Variants in SLC24A2 observed in about 807,000 individuals in gnomAD.
SLC24A2 encodes the protein sodium/potassium/calcium exchanger 2.
Under a neutral mutation model 62.0 loss-of-function variants are expected in SLC24A2, and 36 were observed. The observed-to-expected ratio is 0.58, with a 90% confidence interval of 0.44 to 0.77. The LOEUF (loss-of-function observed/expected upper bound fraction) is 0.77. Among genes scored for constraint, SLC24A2 ranks in the 30% least tolerant of loss-of-function variants. The pLI is 0.00. For synonymous variants in SLC24A2, 358 were observed against 294.0 expected (o/e 1.22, Z -2.23); for missense variants, 846 against 817.9 (o/e 1.03, Z -0.42).
chr9:19,894,664 C>A, the SLC24A2 span, among the ~76,000 whole-genome samples: 1 of 152,010 alleles, frequency 6.6e-6, no homozygotes, highest in African/African-American at 2.4e-5. Context: ...ATATCCTTTT[C>A]TCTTCCAGGA....
At chr9:19,778,592 G>T (rs1050132262) in intron 2 of SLC24A2, among the ~76,000 whole-genome samples, 1 of 152,138 alleles carries the variant, frequency 6.6e-6, no homozygotes, top group Non-Finnish European at 1.5e-5. Flanking sequence ...GCACAGGCTC[G>T]CTCATACGGG....
rs77116044 is a variant in SLC24A2 at position 19,683,196 on chromosome 9, C to T, written c.931-60897G>A. Among the ~76,000 whole-genome samples the T allele has an allele frequency of 8.2e-3, 1,240 of 152,132 alleles. 59 individuals are homozygous for T. In the East Asian group the frequency reaches 0.15, roughly 18 times the overall value. On this transcript the variant is annotated intron_variant, in intron 2 of 10. Coordinates refer to ENST00000341998, the MANE Select transcript of SLC24A2 (RefSeq NM_020344.4). The stretch of plus-strand genomic sequence containing the variant: ...TGTATGCTAGACGCTGTAAGTGCGG[C>T]GAGGTAAAACTCTGAAAGCAAATCC...
At chr9:20,041,165 C>CGCACGTGT in the SLC24A2 span, among the ~76,000 whole-genome samples, 1 of 148,940 alleles carries the variant, frequency 6.7e-6, no homozygotes, top group African/African-American at 2.4e-5. Context: ...TGCGCGCGTG[C>CGCACGTGT]GCACGTGTGC....
chr9:20,012,970 T>C, the SLC24A2 span, among the ~76,000 whole-genome samples: 1 of 152,130 alleles, frequency 6.6e-6, no homozygotes, highest in African/African-American at 2.4e-5. Flanking sequence ...GTGAATATGT[T>C]CATACTATCC....
the SLC24A2 span, among the ~76,000 whole-genome samples, chr9:19,809,967 C>T: frequency 3.3e-5 from 5 of 152,100 alleles, no homozygotes; most frequent in African/African-American, 9.7e-5. Flanking sequence ...GACAACAAAC[C>T]CCGGGTATAT....
chr9:19,542,696 C>T (rs925204794), intron 8 of SLC24A2, among the ~76,000 whole-genome samples: 4 of 152,248 alleles, frequency 2.6e-5, no homozygotes, highest in East Asian at 1.9e-4. Flanking sequence ...GAAATAATCA[C>T]GTGCTTTTTG....
At chr9:19,790,640 G>T (rs1384698498), upstream of SLC24A2, among the ~76,000 whole-genome samples, 1 of 151,864 alleles carries the variant, frequency 6.6e-6, no homozygotes, top group East Asian at 1.9e-4. Flanking sequence ...ATTGCTTGAT[G>T]GTTCAGAGGG....
chr9:19,853,596 G>T, the SLC24A2 span, among the ~76,000 whole-genome samples: 4 of 152,208 alleles, frequency 2.6e-5, no homozygotes, highest in Admixed American at 2.6e-4. Flanking sequence ...TTATGCTTAT[G>T]TGATAAATTA....
At chr9:19,946,168 C>T in the SLC24A2 span, among the ~76,000 whole-genome samples, 1 of 152,222 alleles carries the variant, frequency 6.6e-6, no homozygotes, top group African/African-American at 2.4e-5. Flanking sequence ...ATCCCTATCA[C>T]TAAGTCCATC....
chr9:19,855,239 A>G, the SLC24A2 span, among the ~76,000 whole-genome samples: 1 of 152,144 alleles, frequency 6.6e-6, no homozygotes. Context: ...TTGACTCTTT[A>G]TCCAGCTTGC....
intron 5 of SLC24A2, among the ~76,000 whole-genome samples, chr9:19,586,377 T>C (rs910360433): frequency 5.9e-5 from 9 of 152,224 alleles, no homozygotes; most frequent in Non-Finnish European, 1.0e-4. Flanking sequence ...GAATATGACA[T>C]TGGGGGCTGT....
chr9:19,543,531 C>G (rs573443194), intron 8 of SLC24A2, among the ~76,000 whole-genome samples: 1 of 151,912 alleles, frequency 6.6e-6, no homozygotes, highest in South Asian at 2.1e-4. Context: ...GTTAGGGTGT[C>G]GATTTTAGAT....
At chr9:20,099,050 A>C in the SLC24A2 span, among the ~76,000 whole-genome samples, 1 of 152,244 alleles carries the variant, frequency 6.6e-6, no homozygotes, top group South Asian at 2.1e-4. Context: ...CACTGCCAAC[A>C]GAACAAAAAG....
chr9:20,128,309 TGAGA>T, the SLC24A2 span, among the ~76,000 whole-genome samples: 4 of 152,118 alleles, frequency 2.6e-5, no homozygotes, highest in African/African-American at 9.7e-5. Context: ...TGTTGCCAGA[TGAGA>T]GACACAGGCC....
chr9:19,532,605 T>G (rs928004166), intron 8 of SLC24A2, among the ~76,000 whole-genome samples: 11 of 152,176 alleles, frequency 7.2e-5, no homozygotes, highest in Non-Finnish European at 1.3e-4. Flanking sequence ...TTTTAAGAGA[T>G]AAAGAAACTG....
the SLC24A2 span, among the ~76,000 whole-genome samples, chr9:20,105,053 C>G: frequency 2.6e-5 from 4 of 152,252 alleles, no homozygotes; most frequent in East Asian, 7.7e-4. Flanking sequence ...CAATCCTATT[C>G]TCTGATAAAA....
chr9:19,944,267 A>T, the SLC24A2 span, among the ~76,000 whole-genome samples: 6 of 152,284 alleles, frequency 3.9e-5, no homozygotes, highest in South Asian at 1.2e-3. Context: ...TCTTAGTAGA[A>T]ACAGTCTCAA....
chr9:19,602,810 C>G (rs774527795), intron 4 of SLC24A2, among the ~76,000 whole-genome samples: 3 of 152,104 alleles, frequency 2.0e-5, no homozygotes, highest in Non-Finnish European at 2.9e-5. Flanking sequence ...AAGTTCTTAT[C>G]TTATAGGATT....
the SLC24A2 span, among the ~76,000 whole-genome samples, chr9:20,306,616 G>A: frequency 5.9e-5 from 9 of 152,228 alleles, no homozygotes; most frequent in African/African-American, 2.2e-4. Flanking sequence ...ATTGGGCAGG[G>A]CCGTGTTGGG....
Sources: gnomAD v4.1 joint callset for allele counts (sites outside exome capture counted in the v4.1 genomes callset) on GRCh38, gnomAD v4.1.1 for gene constraint, MANE v1.5 for transcripts, NCBI Gene and HGNC (gene_info 2026-07-23, HGNC 2026-07-21) for gene names.